ENOSF1: variants seen among roughly 807,000 people sequenced by gnomAD.
ENOSF1 encodes the protein enolase superfamily member 1.
In ENOSF1, 73 loss-of-function variants were observed where a neutral mutation model predicts 68.2. That is an observed-to-expected ratio of 1.07 (90% CI 0.89 to 1.30). The LOEUF (loss-of-function observed/expected upper bound fraction) is 1.30, where lower values mean the gene tolerates loss of function less well. Among genes scored for constraint, ENOSF1 ranks in the 50% most tolerant of loss-of-function variants. ENOSF1 has a pLI of 0.00. For synonymous variants in ENOSF1, 223 were observed against 210.4 expected, an observed-to-expected ratio of 1.06 and a Z score of -0.52; for missense variants, 589 against 554.5, an observed-to-expected ratio of 1.06 and a Z score of -0.62.
intron 3 of ENOSF1, among the ~76,000 whole-genome samples, chr18:696,348 A>T (rs2077727871): frequency 6.6e-6 from 1 of 151,614 alleles, no homozygotes; most frequent in African/African-American, 2.4e-5. Context: ...AGTAACTGGG[A>T]CTATAGGCGC....
intron 5 of ENOSF1, chr18:692,619 GA>G (rs994288111): frequency 5.3e-6 from 4 of 756,206 alleles, no homozygotes; most frequent in Admixed American, 7.5e-5. Flanking sequence ...AAGAAAGAAA[GA>G]AAAAAAGAAA....
intron 1 of ENOSF1, among the ~76,000 whole-genome samples, chr18:708,143 G>T (rs896908336): frequency 1.3e-5 from 2 of 151,830 alleles, no homozygotes; most frequent in Admixed American, 6.6e-5. Flanking sequence ...TTACAGGTGT[G>T]AGCCACCACG....
intron 8 of ENOSF1, among the ~76,000 whole-genome samples, chr18:690,239 G>C (rs1335195424): frequency 6.6e-6 from 1 of 151,230 alleles, no homozygotes; most frequent in African/African-American, 2.5e-5. Flanking sequence ...CTGAGGCAAA[G>C]CCAGTCAGAA....
rs548267320 is a variant in ENOSF1 at position 672,310 on chromosome 18, C to T, written c.*1995G>A. 1 of 152,350 alleles carries T rather than the reference C, an allele frequency of 6.6e-6. No homozygotes were observed. Among genetic ancestry groups the T allele is most frequent in the East Asian group, 1.9e-4 (1 of 5,184 alleles). 9.4% of individuals were successfully genotyped at this position (152,350 alleles called of 1,614,324 possible). ...TTACTCCTTTGAGGGAGTTTGGCTG[C>T]TTTTGAGTGGAGGTGACTTCAGGCT... is the stretch of plus-strand genomic sequence containing the variant. On this transcript the variant is annotated 3_prime_UTR_variant, in exon 16 of 16. Transcript: ENST00000647584.
At chr18:694,114 G>A in intron 4 of ENOSF1, 134 bp downstream of exon 4, 1 of 1,100,384 alleles carries the variant, frequency 9.1e-7, no homozygotes, top group African/African-American at 1.6e-5. Context: ...CCTCTCAGAG[G>A]AGAAAAAAAC....
chr18:673,047 C>T lies in ENOSF1; in HGVS notation c.*1258G>A, dbSNP rs758363328. 2.1e-6 allele frequency: 3 copies of T among 1,448,228 alleles called. No homozygotes were observed. Among genetic ancestry groups the T allele is most frequent in the South Asian group, 3.3e-5 (2 of 60,040 alleles). The allele number at this position is 1,448,228 out of a possible 1,614,324, so 89.7% of individuals were successfully genotyped here. ...ATATTGTCAGTCTTTAGGGGTTGGG[C>T]TGGATGCCGAGGTAAAAGTTCTTTT... On this transcript the variant is annotated 3_prime_UTR_variant, in exon 16 of 16. Coordinates refer to ENST00000647584, the MANE Select transcript of ENOSF1 (RefSeq NM_017512.7).
intron 4 of ENOSF1, 47 bp from the exon 5 acceptor site, chr18:693,955 C>A (rs774543558): frequency 1.2e-6 from 2 of 1,600,436 alleles, no homozygotes; most frequent in South Asian, 1.1e-5. Flanking sequence ...TGTAAAGTCC[C>A]CATTTTTTCC....
rs756652488 is a variant in ENOSF1, at chr18:691,123, G to C, written c.497-17C>G. On this transcript the variant is annotated splice_polypyrimidine_tract_variant and intron_variant, in intron 6 of 15. Transcript: ENST00000647584. The stretch of plus-strand genomic sequence containing the variant: ...GCAGTATTTCTGGAAGAAATAAAAA[G>C]CATCACTCACTCTTTTAGGAAACAA... The C allele has an allele frequency of 1.5e-5, 25 of 1,613,862 alleles. No individual in the cohort carries two copies. Among genetic ancestry groups the C allele is most frequent in the Non-Finnish European group, 2.0e-5 (24 of 1,179,950 alleles).
At chr18:668,494 C>T (rs1401014261), downstream of ENOSF1, among the ~76,000 whole-genome samples, 1 of 152,162 alleles carries the variant, frequency 6.6e-6, no homozygotes, top group Non-Finnish European at 1.5e-5. Context: ...CAGAGGTTTC[C>T]TGATGTTTCC....
At chr18:711,216 A>G (rs540041114) in intron 1 of ENOSF1, among the ~76,000 whole-genome samples, 11 of 152,330 alleles carry the variant, frequency 7.2e-5, no homozygotes, top group African/African-American at 2.4e-4. Flanking sequence ...AGAATAAAAT[A>G]AAAATTTAAA....
chr18:691,157 A>T, intron 6 of ENOSF1, 47 bp downstream of exon 6: 1 of 1,613,216 alleles, frequency 6.2e-7, no homozygotes, highest in Non-Finnish European at 8.5e-7. Flanking sequence ...AAAGCATGCC[A>T]CTACTGTGTG....
intron 10 of ENOSF1, among the ~76,000 whole-genome samples, chr18:684,660 G>C (rs2076445862): frequency 6.6e-6 from 1 of 152,126 alleles, no homozygotes; most frequent in Non-Finnish European, 1.5e-5. Context: ...TTCAAGTCCA[G>C]TCCTCTCCCT....
intron 15 of ENOSF1, 149 bp from the exon 16 acceptor site, chr18:674,555 G>A (rs914756110): frequency 3.8e-5 from 20 of 529,030 alleles, no homozygotes; most frequent in Admixed American, 1.1e-4. Flanking sequence ...GTCACTGTCC[G>A]TTGCCCAGGC....
chr18:668,620 A>G (rs1463052171), downstream of ENOSF1, among the ~76,000 whole-genome samples: 1 of 152,230 alleles, frequency 6.6e-6, no homozygotes, highest in Non-Finnish European at 1.5e-5. Context: ...TGGAAAGTAT[A>G]TGGAATACTA....
chr18:671,261 T>G lies in ENOSF1; in HGVS notation c.*3044A>C, dbSNP rs2075034967. 1.3e-6 allele frequency: 1 copy of G among 761,970 alleles called. No individual in the cohort carries two copies. Among genetic ancestry groups the G allele is most frequent in the Admixed American group, 2.2e-5 (1 of 45,962 alleles). The allele number at this position is 761,970 out of a possible 1,614,324, so 47.2% of individuals were successfully genotyped here. On this transcript the variant is annotated 3_prime_UTR_variant, in exon 16 of 16. Coordinates refer to ENST00000647584, the MANE Select transcript of ENOSF1 (RefSeq NM_017512.7). ...TGTTGCTACAAAAAAATGGAAAAGC[T>G]ACACTAAATTATTTTTTTAAAAAAA...
intron 2 of ENOSF1, among the ~76,000 whole-genome samples, chr18:701,634 T>C (rs1481042761): frequency 6.6e-6 from 1 of 151,720 alleles, no homozygotes; most frequent in Non-Finnish European, 1.5e-5. Flanking sequence ...GGCAGGTGCC[T>C]GTAGTCCAGC....
At chr18:689,160 C>A (rs2076911294) in intron 8 of ENOSF1, among the ~76,000 whole-genome samples, 2 of 152,216 alleles carry the variant, frequency 1.3e-5, no homozygotes, top group African/African-American at 4.8e-5. Flanking sequence ...GAATCTTACC[C>A]TAGGCTGTCA....
At chr18:695,385 G>T (rs1046990759) in intron 3 of ENOSF1, among the ~76,000 whole-genome samples, 2 of 152,076 alleles carry the variant, frequency 1.3e-5, no homozygotes, top group Admixed American at 6.6e-5. Flanking sequence ...GTGTCCATTT[G>T]CTTTCTCCAC....
intron 1 of ENOSF1, among the ~76,000 whole-genome samples, chr18:709,869 T>C (rs2079325228): frequency 6.6e-6 from 1 of 152,190 alleles, no homozygotes; most frequent in African/African-American, 2.4e-5. Flanking sequence ...CTTTGCTAAG[T>C]GCTGATGGTC....
Sources: allele counts gnomAD v4.1 joint callset (sites outside exome capture counted in the v4.1 genomes callset), GRCh38; gene constraint gnomAD v4.1.1; transcripts MANE v1.5; gene names NCBI Gene and HGNC (gene_info 2026-07-23, HGNC 2026-07-21).